MECOM: variants seen among roughly 807,000 people sequenced by gnomAD.
MECOM encodes MDS1 and EVI1 complex locus, also known as histone-lysine N-methyltransferase MECOM.
Under a neutral mutation model 116.3 loss-of-function variants are expected in MECOM, and 13 were observed. The ratio of observed to expected loss-of-function variants is 0.11; its 90% CI spans 0.07 to 0.18. MECOM has a LOEUF of 0.18. Among genes scored for constraint, MECOM ranks in the 10% least tolerant of loss-of-function variants. MECOM has a pLI of 1.00. For synonymous variants in MECOM, 528 were observed against 535.2 expected, an observed-to-expected ratio of 0.99 and a Z score of 0.19; for missense variants, 1,299 against 1,509.0, an observed-to-expected ratio of 0.86 and a Z score of 2.31.
intron 2 of MECOM, among the ~76,000 whole-genome samples, chr3:169,191,306 A>G (rs1296196830): frequency 6.6e-6 from 1 of 151,950 alleles, no homozygotes; most frequent in Non-Finnish European, 1.5e-5. Flanking sequence ...GCAGAAATAT[A>G]AACAAGCACA....
At chr3:169,306,689 G>A (rs1467926767) in intron 2 of MECOM, among the ~76,000 whole-genome samples, 3 of 152,138 alleles carry the variant, frequency 2.0e-5, no homozygotes, top group Admixed American at 6.5e-5. Flanking sequence ...ACTAGAACAA[G>A]AGCCCCCTGG....
At position 169,505,668 on chromosome 3, in the gene MECOM, G is replaced by A. The variant is rs527707143; in HGVS notation, c.38-124144C>T. On this transcript the variant is annotated intron_variant, in intron 1 of 16. Transcript: ENST00000651503. The stretch of plus-strand genomic sequence containing the variant: ...ACTATAGTCATCAGTCTGTCCACTG[G>A]ATCTCCAGAACTTAGCCATCTTGCA... Among the ~76,000 whole-genome samples the A allele has an allele frequency of 2.6e-5, 4 of 152,262 alleles. No individual in the cohort carries two copies. In the South Asian group the frequency reaches 8.3e-4, roughly 32 times the overall value.
chr3:169,522,109 G>A (rs899411904), intron 1 of MECOM, among the ~76,000 whole-genome samples: 5 of 152,182 alleles, frequency 3.3e-5, no homozygotes, highest in African/African-American at 1.2e-4. Flanking sequence ...CTGTATACAT[G>A]TTTTTGAACC....
chr3:169,259,330 C>T (rs1039889588), intron 2 of MECOM, among the ~76,000 whole-genome samples: 13 of 152,134 alleles, frequency 8.5e-5, no homozygotes, highest in African/African-American at 2.4e-4. Context: ...TCAAATCTTA[C>T]GTTATACAGT....
chr3:169,477,101 GTGTGTATATA>G (rs1347530137), intron 1 of MECOM: 142 of 51,516 alleles, frequency 2.8e-3, no homozygotes, highest in South Asian at 6.8e-3. Context: ...GTGTGTGTGT[GTGTGTATATA>G]TATATATATA....
Position 169,663,598 on chromosome 3 carries a change from C to G in MECOM, c.-226G>C. 6 of 588,586 alleles carry G rather than the reference C, an allele frequency of 1.0e-5. No homozygotes were observed. In the South Asian group the frequency reaches 1.3e-4, roughly 13 times the overall value. The allele number at this position is 588,586 out of a possible 1,614,324, so 36.5% of individuals were successfully genotyped here. A position where few individuals can be genotyped will look rare whatever the true frequency, so the allele number is the denominator to read the frequency against. On this transcript the variant is annotated 5_prime_UTR_variant, in exon 1 of 17. Coordinates refer to ENST00000651503, the MANE Select transcript of MECOM (RefSeq NM_004991.4). ...ACTCACTCTCTGTATTTTCTTCTTT[C>G]ACTCTCTCTCCCTCCCTCTCTCCCT...
At chr3:169,658,589 C>G (rs1775823136) in intron 1 of MECOM, among the ~76,000 whole-genome samples, 1 of 152,220 alleles carries the variant, frequency 6.6e-6, no homozygotes, top group East Asian at 1.9e-4. Flanking sequence ...CCTTGGAGCC[C>G]TGAGCTGAGC....
intron 2 of MECOM, among the ~76,000 whole-genome samples, chr3:169,214,488 A>C (rs923862659): frequency 6.6e-6 from 1 of 151,678 alleles, no homozygotes; most frequent in African/African-American, 2.4e-5. Context: ...ACAAATTCGT[A>C]AATCATTTTT....
In MECOM at chr3:169,236,635, C is replaced by G. The variant is rs552931505; in HGVS notation, c.376-92803G>C. 3.9e-5 allele frequency among the ~76,000 whole-genome samples: 6 copies of G among 152,258 alleles called. No homozygotes were observed. The South Asian group carries it at 1.2e-3, about 32-fold the overall frequency. On this transcript the variant is annotated intron_variant, in intron 2 of 16. Coordinates refer to ENST00000651503, the MANE Select transcript of MECOM (RefSeq NM_004991.4). ...TTCCCAAATTTGGATGTTTTGTATA[C>G]ACCTCGAAGAGCCGTCATCAAAAAA...
intron 2 of MECOM, among the ~76,000 whole-genome samples, chr3:169,242,521 C>G (rs2149554219): frequency 6.6e-6 from 1 of 152,238 alleles, no homozygotes; most frequent in East Asian, 1.9e-4. Context: ...CGAACCTCAT[C>G]CCCTTGGTGC....
intron 1 of MECOM, among the ~76,000 whole-genome samples, chr3:169,527,894 T>G (rs1438684218): frequency 6.6e-6 from 1 of 152,228 alleles, no homozygotes; most frequent in African/African-American, 2.4e-5. Context: ...CTCTCTTCTT[T>G]GGTAGGACTT....
At chr3:169,551,873 A>G (rs1287720101) in intron 1 of MECOM, among the ~76,000 whole-genome samples, 1 of 152,218 alleles carries the variant, frequency 6.6e-6, no homozygotes, top group Non-Finnish European at 1.5e-5. Context: ...TTATTCAGCC[A>G]TAAAAAGGAA....
At chr3:169,373,884 TTC>T (rs1441078163) in intron 2 of MECOM, among the ~76,000 whole-genome samples, 1 of 151,888 alleles carries the variant, frequency 6.6e-6, no homozygotes, top group African/African-American at 2.4e-5. Flanking sequence ...CATCCATTCT[TTC>T]ATTTATCCAT....
chr3:169,259,227 A>T (rs1757236251), intron 2 of MECOM, among the ~76,000 whole-genome samples: 1 of 152,200 alleles, frequency 6.6e-6, no homozygotes, highest in Admixed American at 6.5e-5. Flanking sequence ...TTTCTCTTGG[A>T]AAAACAATTT....
intron 12 of MECOM, among the ~76,000 whole-genome samples, chr3:169,097,095 T>G (rs1721744556): frequency 6.6e-6 from 1 of 152,138 alleles, no homozygotes; most frequent in Admixed American, 6.5e-5. Flanking sequence ...CAGAATAACC[T>G]AGAAAACCCT....
At position 169,136,341 on chromosome 3, in the gene MECOM, A is replaced by G. The variant is rs1018378540; in HGVS notation, c.511-4810T>C. The stretch of plus-strand genomic sequence containing the variant: ...TCATATTAGTAATCTCATGTATATA[A>G]TTCTATATAATAAGAATGAATGCTT... On this transcript the variant is annotated intron_variant, in intron 3 of 16. Coordinates refer to ENST00000651503, the MANE Select transcript of MECOM (RefSeq NM_004991.4). Among the ~76,000 whole-genome samples the G allele has an allele frequency of 9.2e-5, 14 of 151,548 alleles. 1 individual carries two copies. Among genetic ancestry groups the G allele is most frequent in the South Asian group, 8.3e-4 (4 of 4,818 alleles).
At chr3:169,579,417 T>C (rs1253653965) in intron 1 of MECOM, among the ~76,000 whole-genome samples, 1 of 152,172 alleles carries the variant, frequency 6.6e-6, no homozygotes, top group Non-Finnish European at 1.5e-5. Flanking sequence ...ATCTCATCTC[T>C]TTCCCACAGC....
chr3:169,387,370 C>T lies in MECOM; in HGVS notation c.38-5846G>A, dbSNP rs117775378. Among the ~76,000 whole-genome samples the T allele has an allele frequency of 1.8e-3, 277 of 152,282 alleles. 5 individuals carry two copies. In the East Asian group the frequency reaches 0.047, roughly 26 times the overall value. On this transcript the variant is annotated intron_variant, in intron 1 of 16. Coordinates refer to ENST00000651503, the MANE Select transcript of MECOM (RefSeq NM_004991.4). ...TTATTTGCAAGGCTGGCCTAAATGC[C>T]TTCTCTTTTTGTGGGTTTTATATAA...
intron 1 of MECOM, among the ~76,000 whole-genome samples, chr3:169,657,972 C>T (rs1482500304): frequency 6.6e-6 from 1 of 152,158 alleles, no homozygotes; most frequent in Non-Finnish European, 1.5e-5. Flanking sequence ...TCCTGTCTCC[C>T]TCTCTGGTTT....
Sources: allele counts gnomAD v4.1 joint callset (sites outside exome capture counted in the v4.1 genomes callset), GRCh38; gene constraint gnomAD v4.1.1; transcripts MANE v1.5; gene names NCBI Gene and HGNC (gene_info 2026-07-23, HGNC 2026-07-21).